Variants in SETD5 observed in about 807,000 individuals in gnomAD.
SETD5 encodes the protein SET domain containing 5.
A neutral mutation model predicts 153.3 loss-of-function variants in SETD5; 44 were observed. The ratio of observed to expected loss-of-function variants is 0.29; its 90% CI spans 0.23 to 0.37. The LOEUF (loss-of-function observed/expected upper bound fraction) is 0.37. SETD5 is among the 10% of genes least tolerant of loss of function. The pLI is 1.00. For synonymous variants in SETD5, 716 were observed against 645.2 expected (o/e 1.11, Z -1.66); for missense variants, 1,544 against 1,768.0 (o/e 0.87, Z 2.27).
intron 7 of SETD5, among the ~76,000 whole-genome samples, chr3:9,436,264 C>T (rs892394296): frequency 3.9e-5 from 6 of 152,146 alleles, no homozygotes; most frequent in African/African-American, 1.4e-4. Context: ...AATTCTTGTC[C>T]TGGTTACATG....
chr3:9,474,939 C>T, intron 21 of SETD5, 129 bp from the exon 22 acceptor site: 3 of 806,740 alleles, frequency 3.7e-6, no homozygotes, highest in South Asian at 3.6e-5. Flanking sequence ...GCATGCTGCA[C>T]TCACCCAATT....
chr3:9,436,673 C>T (rs1033472364), intron 7 of SETD5, among the ~76,000 whole-genome samples: 3 of 152,132 alleles, frequency 2.0e-5, no homozygotes, highest in African/African-American at 7.2e-5. Context: ...AGTTCATTGG[C>T]CTTGAGCTAC....
chr3:9,400,041 C>A (rs2034506336), intron 1 of SETD5, among the ~76,000 whole-genome samples: 1 of 152,166 alleles, frequency 6.6e-6, no homozygotes, highest in African/African-American at 2.4e-5. Context: ...CTGCAGGGAG[C>A]AGCACTTAGG....
intron 1 of SETD5, among the ~76,000 whole-genome samples, chr3:9,413,965 A>T (rs531751630): frequency 8.5e-5 from 13 of 152,114 alleles, no homozygotes; most frequent in African/African-American, 3.1e-4. Flanking sequence ...TTTAGTAGAG[A>T]TGGGGTTTCA....
At chr3:9,443,203 A>T in intron 10 of SETD5, 105 bp from the exon 11 acceptor site, 1 of 817,728 alleles carries the variant, frequency 1.2e-6, no homozygotes, top group Non-Finnish European at 2.0e-6. Flanking sequence ...TTAAATAAAT[A>T]ATAGATTACC....
rs992205248 is a variant in SETD5 at position 9,476,373 on chromosome 3, G to A, written c.*282G>A. The A allele has an allele frequency of 5.3e-6, 2 of 377,402 alleles. No individual in the cohort carries two copies. The highest frequency in any genetic ancestry group is 4.1e-5 in the African/African-American group (2 of 49,348). The allele number at this position is 377,402 out of a possible 1,614,324, so 23.4% of individuals were successfully genotyped here. On this transcript the variant is annotated 3_prime_UTR_variant, in exon 23 of 23. Transcript: ENST00000402198. ...GTGTTTCGGTTAGTAACGGTTCTAA[G>A]TGCAATGAGTTGTGTTGAAGCCTCC...
chr3:9,447,221 G>A lies in SETD5; in HGVS notation c.1696G>A (p.Glu566Lys), dbSNP rs768125990. The change falls in exon 14 of 23, where the codon GAA becomes AAA. Residue 566 changes from glutamate to lysine, a missense_variant. Around this residue, in one of 9 missense-constraint regions of SETD5, gnomAD observed 782 missense variants for 787.2 expected, o/e 0.99. Transcript: ENST00000402198. ...GACAAAAACTGAAGCCCCTGAATCT[G>A]AAGTTAGCAACTCTGTTTCAAATGT... Reference protein sequence around the residue: ...EETKTEAPESEVSNSVSNVTI... With the variant: ...EETKTEAPESKVSNSVSNVTI... 20 of 1,613,904 alleles carry A rather than the reference G, an allele frequency of 1.2e-5. No individual in the cohort carries two copies. The Admixed American group carries it at 3.3e-4, about 27-fold the overall frequency.
At chr3:9,438,694 T>G (rs753541186) in intron 7 of SETD5, among the ~76,000 whole-genome samples, 3 of 152,232 alleles carry the variant, frequency 2.0e-5, no homozygotes, top group African/African-American at 7.2e-5. Flanking sequence ...GCAGCTTCCC[T>G]ACTGAAGACT....
chr3:9,474,380 C>A, intron 20 of SETD5, 69 bp from the exon 21 acceptor site: 2 of 1,554,738 alleles, frequency 1.3e-6, no homozygotes, highest in South Asian at 1.2e-5. Context: ...ATACACTGTG[C>A]ACTGGTTAGG....
intron 17 of SETD5, among the ~76,000 whole-genome samples, chr3:9,463,646 G>A (rs1396681725): frequency 1.3e-5 from 2 of 152,092 alleles, no homozygotes; most frequent in African/African-American, 4.8e-5. Flanking sequence ...ATGCTTTTTA[G>A]GTAGAAAAGG....
chr3:9,435,012 A>G lies in SETD5; in HGVS notation c.388+130A>G, dbSNP rs151025056. ...GTAATCTCACCACTTAGGGAGGCCA[A>G]AGCGGGCGGATCACCTGAGGTCGGG... On this transcript the variant is annotated intron_variant, in intron 6 of 22. Transcript: ENST00000402198. 80 of 992,822 alleles carry G rather than the reference A, an allele frequency of 8.1e-5. No individual in the cohort carries two copies. The African/African-American group carries it at 9.5e-4, about 12-fold the overall frequency. The allele number at this position is 992,822 out of a possible 1,614,324, so 61.5% of individuals were successfully genotyped here.
intron 10 of SETD5, chr3:9,443,039 CA>C (rs1456451176): frequency 3.3e-4 from 107 of 325,646 alleles, no homozygotes; most frequent in East Asian, 5.0e-4. Context: ...GACTGTATCT[CA>C]AAAAAAAGAT....
intron 17 of SETD5, chr3:9,454,197 A>C (rs2042940124): frequency 6.3e-6 from 1 of 158,092 alleles, no homozygotes; most frequent in Non-Finnish European, 1.4e-5. Context: ...AATATTCAGG[A>C]AAGAATTAAA....
chr3:9,403,332 C>T (rs111624252), intron 1 of SETD5, among the ~76,000 whole-genome samples: 1 of 152,180 alleles, frequency 6.6e-6, no homozygotes, highest in Non-Finnish European at 1.5e-5. Flanking sequence ...AGGTGCAAGT[C>T]ACCTCCCGAG....
At chr3:9,422,912 ACTGT>A (rs1442987618) in intron 1 of SETD5, among the ~76,000 whole-genome samples, 3 of 152,298 alleles carry the variant, frequency 2.0e-5, no homozygotes, top group South Asian at 2.1e-4. Context: ...CAATACAAAG[ACTGT>A]CTGAAGCATA....
chr3:9,425,432 A>G (rs1450705124), intron 2 of SETD5, among the ~76,000 whole-genome samples: 1 of 152,166 alleles, frequency 6.6e-6, no homozygotes, highest in Non-Finnish European at 1.5e-5. Context: ...TAGTGAATGT[A>G]GCAATCATTT....
intron 18 of SETD5, among the ~76,000 whole-genome samples, chr3:9,465,605 T>C (rs1286134191): frequency 6.6e-6 from 1 of 152,164 alleles, no homozygotes; most frequent in African/African-American, 2.4e-5. Context: ...CTTTTCCAAG[T>C]ATGAGGATTC....
intron 1 of SETD5, among the ~76,000 whole-genome samples, chr3:9,400,629 T>G (rs2034610694): frequency 6.6e-6 from 1 of 152,202 alleles, no homozygotes; most frequent in African/African-American, 2.4e-5. Context: ...TTCTCCAGAT[T>G]AGATATTTTC....
chr3:9,443,351 A>C lies in SETD5; in HGVS notation c.1121A>C (p.Tyr374Ser). The C allele has an allele frequency of 6.5e-7, 1 of 1,531,972 alleles. No individual in the cohort carries two copies. Among genetic ancestry groups the C allele is most frequent in the Non-Finnish European group, 8.8e-7 (1 of 1,140,070 alleles). The allele number at this position is 1,531,972 out of a possible 1,614,324, so 94.9% of individuals were successfully genotyped here. ...IADGMIHLCI[Y>S]AVSAITKDAE... The stretch of plus-strand genomic sequence containing the variant: ...GATGGGATGATTCACCTGTGCATCT[A>C]TGCTGTGTCTGCCATCACCAAGGAT... The change falls in exon 11 of 23, where the codon TAT becomes TCT. Residue 374 changes from tyrosine (Y) to serine (S), a missense_variant. Transcript: ENST00000402198.
Sources: allele counts gnomAD v4.1 joint callset (sites outside exome capture counted in the v4.1 genomes callset), GRCh38; gene constraint gnomAD v4.1.1; regional missense constraint gnomAD v4.1.1; transcripts MANE v1.5; gene names NCBI Gene and HGNC (gene_info 2026-07-23, HGNC 2026-07-21).